IMMP2L: variants seen among roughly 807,000 people sequenced by gnomAD.
IMMP2L encodes inner mitochondrial membrane peptidase subunit 2.
In IMMP2L, 18 loss-of-function variants were observed where a neutral mutation model predicts 19.3. That is an observed-to-expected ratio of 0.93 (90% CI 0.64 to 1.38). The LOEUF (loss-of-function observed/expected upper bound fraction) is 1.38. IMMP2L is among the 40% of genes most tolerant of loss of function. The pLI, the probability that IMMP2L is intolerant of heterozygous loss-of-function variation, is 0.00. For synonymous variants in IMMP2L, 76 were observed against 73.0 expected, an observed-to-expected ratio of 1.04 and a Z score of -0.21; for missense variants, 233 against 218.2, an observed-to-expected ratio of 1.07 and a Z score of -0.43.
Position 111,290,504 on chromosome 7 carries a change from T to TA in IMMP2L, c.239+196733dup, listed in dbSNP as rs111672588. On this transcript the variant is annotated intron_variant, in intron 3 of 5. Transcript: ENST00000405709. The stretch of plus-strand genomic sequence containing the variant: ...TATTTAAGCATGATTGACTTCTTTT[T>TA]AAAAAAAAAAAAAATGAATGATTTA... 4.4e-3 allele frequency among the ~76,000 whole-genome samples: 653 copies of TA among 147,340 alleles called. 4 individuals carry two copies. Among genetic ancestry groups the TA allele is most frequent in the Middle Eastern group, 0.021 (6 of 282 alleles).
intron 4 of IMMP2L, among the ~76,000 whole-genome samples, chr7:110,945,047 G>C (rs1778718050): frequency 6.6e-6 from 1 of 151,732 alleles, no homozygotes; most frequent in Non-Finnish European, 1.5e-5. Flanking sequence ...AAAACAAAGG[G>C]AACAAGACAA....
intron 4 of IMMP2L, among the ~76,000 whole-genome samples, chr7:110,894,166 GC>G (rs1247888723): frequency 1.3e-5 from 2 of 152,134 alleles, no homozygotes; most frequent in East Asian, 3.9e-4. Flanking sequence ...CCCTTTAAAA[GC>G]CCCTGCCTTC....
chr7:110,980,767 A>G (rs546471738), intron 3 of IMMP2L, among the ~76,000 whole-genome samples: 13 of 152,188 alleles, frequency 8.5e-5, no homozygotes, highest in Non-Finnish European at 1.5e-4. Context: ...TAAAATTGTA[A>G]ACTTTGTAGA....
At chr7:111,012,473 T>A (rs184368620) in intron 3 of IMMP2L, among the ~76,000 whole-genome samples, 112 of 152,272 alleles carry the variant, frequency 7.4e-4, no homozygotes, top group Non-Finnish European at 9.4e-4. Flanking sequence ...TTTTTCAATT[T>A]ACAATGAAAT....
chr7:111,473,355 C>T (rs764328458), intron 3 of IMMP2L, among the ~76,000 whole-genome samples: 1 of 152,066 alleles, frequency 6.6e-6, no homozygotes, highest in African/African-American at 2.4e-5. Flanking sequence ...TCCTATGTGG[C>T]AGCCTCCCCC....
At chr7:111,283,170 G>GA (rs1324412259) in intron 3 of IMMP2L, among the ~76,000 whole-genome samples, 2 of 152,224 alleles carry the variant, frequency 1.3e-5, no homozygotes, top group East Asian at 3.9e-4. Flanking sequence ...GAAAAATGTG[G>GA]AAAAATCATA....
chr7:110,678,471 G>C (rs989203289), intron 5 of IMMP2L, among the ~76,000 whole-genome samples: 1 of 152,002 alleles, frequency 6.6e-6, no homozygotes, highest in Non-Finnish European at 1.5e-5. Context: ...TTACCAAAGA[G>C]AATAAATGTA....
intron 5 of IMMP2L, among the ~76,000 whole-genome samples, chr7:110,857,130 T>C (rs1410844953): frequency 2.0e-5 from 3 of 152,076 alleles, no homozygotes; most frequent in Admixed American, 2.0e-4. Flanking sequence ...ATACTTTCTC[T>C]AAGGATTTTC....
At chr7:111,554,352 AAT>A (rs1484165832) in intron 1 of IMMP2L, among the ~76,000 whole-genome samples, 1 of 152,116 alleles carries the variant, frequency 6.6e-6, no homozygotes, top group African/African-American at 2.4e-5. Flanking sequence ...AATATCTTGC[AAT>A]AAAATCACGC....
intron 3 of IMMP2L, among the ~76,000 whole-genome samples, chr7:111,121,778 C>T (rs578003429): frequency 1.6e-4 from 24 of 152,198 alleles, no homozygotes; most frequent in African/African-American, 4.6e-4. Context: ...CACATGCACA[C>T]GTATGTTTAT....
intron 3 of IMMP2L, among the ~76,000 whole-genome samples, chr7:110,974,664 G>A (rs1172145995): frequency 1.3e-5 from 2 of 151,944 alleles, no homozygotes; most frequent in African/African-American, 2.4e-5. Context: ...CATCCCTCCA[G>A]GCTGTTCACT....
intron 3 of IMMP2L, among the ~76,000 whole-genome samples, chr7:111,262,352 T>C (rs1429344441): frequency 2.0e-5 from 3 of 151,978 alleles, no homozygotes; most frequent in Non-Finnish European, 2.9e-5. Flanking sequence ...TGAATGCTAG[T>C]AAAGGCCTGA....
At chr7:110,703,756 AG>A in intron 5 of IMMP2L, among the ~76,000 whole-genome samples, 1 of 152,178 alleles carries the variant, frequency 6.6e-6, no homozygotes, top group East Asian at 1.9e-4. Flanking sequence ...TATAATGACT[AG>A]GTTTCAAAAT....
At chr7:111,387,016 A>G (rs1161288803) in intron 3 of IMMP2L, among the ~76,000 whole-genome samples, 2 of 152,218 alleles carry the variant, frequency 1.3e-5, no homozygotes, top group Non-Finnish European at 2.9e-5. Flanking sequence ...TATATCACAT[A>G]GCACTTATTC....
chr7:110,974,221 C>T (rs2129557036), intron 3 of IMMP2L, among the ~76,000 whole-genome samples: 1 of 152,200 alleles, frequency 6.6e-6, no homozygotes, highest in Admixed American at 6.5e-5. Flanking sequence ...CATTCTTCAT[C>T]TGAATGGCAG....
intron 3 of IMMP2L, among the ~76,000 whole-genome samples, chr7:111,442,582 G>A (rs1169019992): frequency 6.6e-6 from 1 of 151,586 alleles, no homozygotes; most frequent in Non-Finnish European, 1.5e-5. Flanking sequence ...CAAACCTTCA[G>A]AAAATGGTCT....
At chr7:111,321,038 GC>G (rs1250358427) in intron 3 of IMMP2L, among the ~76,000 whole-genome samples, 1 of 151,942 alleles carries the variant, frequency 6.6e-6, no homozygotes, top group Non-Finnish European at 1.5e-5. Context: ...AGAAAATATG[GC>G]CACCAAAATG....
chr7:111,005,534 A>G (rs563964573), intron 3 of IMMP2L, among the ~76,000 whole-genome samples: 4 of 152,210 alleles, frequency 2.6e-5, no homozygotes, highest in Non-Finnish European at 5.9e-5. Context: ...AACTAGTCCA[A>G]CATCTGTTGA....
intron 2 of IMMP2L, among the ~76,000 whole-genome samples, chr7:111,493,058 T>C (rs961965724): frequency 6.6e-6 from 1 of 152,140 alleles, no homozygotes; most frequent in Admixed American, 6.5e-5. Context: ...AGATTAAAGG[T>C]TTTTAAAAGC....
Sources: gnomAD v4.1 joint callset for allele counts (sites outside exome capture counted in the v4.1 genomes callset) on GRCh38, gnomAD v4.1.1 for gene constraint, MANE v1.5 for transcripts, NCBI Gene and HGNC (gene_info 2026-07-23, HGNC 2026-07-21) for gene names.